SLC25A12: variants seen among roughly 807,000 people sequenced by gnomAD.
SLC25A12 encodes electrogenic aspartate/glutamate antiporter SLC25A12, mitochondrial.
In SLC25A12, 32 loss-of-function variants were observed where a neutral mutation model predicts 83.3. The observed-to-expected ratio is 0.38, with a 90% CI of 0.29 to 0.52. The LOEUF (loss-of-function observed/expected upper bound fraction) is 0.52. Among genes scored for constraint, SLC25A12 ranks in the 20% least tolerant of loss-of-function variants. The probability of loss-of-function intolerance (pLI) is 0.84; values close to 1 mark genes in which losing one functional copy is unlikely to be tolerated. For synonymous variants in SLC25A12, 267 were observed against 291.1 expected (o/e 0.92, Z 0.84); for missense variants, 611 against 835.6 (o/e 0.73, Z 3.31).
chr2:171,841,153 T>C (rs542552906), intron 5 of SLC25A12, among the ~76,000 whole-genome samples: 32 of 152,162 alleles, frequency 2.1e-4, no homozygotes, highest in Non-Finnish European at 4.0e-4. Context: ...GTCCTTGGCT[T>C]ACTGCAACTT....
Position 171,787,895 on chromosome 2 carries a change from C to G in SLC25A12, c.1638G>C (p.Leu546=), listed in dbSNP as rs753205346. The G allele has an allele frequency of 4.7e-5, 76 of 1,614,132 alleles. 1 individual carries two copies. The Middle Eastern group carries it at 8.2e-4, about 17-fold the overall frequency. ...TCTGGCCAGCGCGGGCAGCCACCTGCAGTCTTGTCTTGATGACATCAGCAG... is the reference window on the plus strand; with the variant it reads ...TCTGGCCAGCGCGGGCAGCCACCTGGAGTCTTGTCTTGATGACATCAGCAG... The part of the protein sequence containing the change: ...VTPADVIKTR[L]QVAARAGQTT... The change falls in exon 16 of 18, where the codon CTG becomes CTC. Residue 546 remains leucine, a synonymous_variant. Coordinates refer to ENST00000422440, the MANE Select transcript of SLC25A12 (RefSeq NM_003705.5).
At chr2:171,891,649 C>T (rs938729705) in intron 2 of SLC25A12, among the ~76,000 whole-genome samples, 4 of 152,170 alleles carry the variant, frequency 2.6e-5, no homozygotes, top group Non-Finnish European at 5.9e-5. Context: ...TCATTTCTTC[C>T]GCATCTACTT....
chr2:171,893,237 C>A lies in SLC25A12; in HGVS notation c.34G>T (p.Asp12Tyr). 1.2e-6 allele frequency: 2 copies of A among 1,614,068 alleles called. No homozygotes were observed. The highest frequency in any genetic ancestry group is 1.7e-6 in the Non-Finnish European group (2 of 1,180,004). Residue 12 changes from aspartate (D) to tyrosine (Y), a missense_variant, in exon 2 of 18, where the codon GAT becomes TAT. Physicochemically the swap from Asp to Tyr is radical, Grantham distance 160. Transcript: ENST00000422440. The part of the protein sequence containing the change: ...AVKVQTTKRG[D>Y]PHELRNIFLQ... ...AATATGTTTCTTAACTCATGAGGAT[C>A]CCCTCGCTTAGTTGTCTGCACCTGT...
intron 2 of SLC25A12, among the ~76,000 whole-genome samples, chr2:171,873,853 G>A (rs544971650): frequency 5.3e-5 from 8 of 151,830 alleles, no homozygotes; most frequent in African/African-American, 1.7e-4. Context: ...TGCTTTTGTC[G>A]AATTCAGTCC....
rs139526366 is a variant in SLC25A12, at chr2:171,858,724, G to C, written c.210-2775C>G. On this transcript the variant is annotated intron_variant, in intron 3 of 17. Coordinates refer to ENST00000422440, the MANE Select transcript of SLC25A12 (RefSeq NM_003705.5). ...TAAACTGCAAGTGTGAACAACACTA[G>C]GTTTCCGGTCCCAAGTAGCACCAGC... Among the ~76,000 whole-genome samples, 644 of 152,274 alleles carry C rather than the reference G, an allele frequency of 4.2e-3. 2 individuals carry two copies. The highest frequency in any genetic ancestry group is 0.011 in the South Asian group (52 of 4,824).
chr2:171,874,094 C>T (rs1426376360), intron 2 of SLC25A12, among the ~76,000 whole-genome samples: 3 of 152,086 alleles, frequency 2.0e-5, no homozygotes, highest in African/African-American at 4.8e-5. Context: ...GGTGTGGTGG[C>T]GCATGCCTAT....
intron 13 of SLC25A12, among the ~76,000 whole-genome samples, chr2:171,797,390 T>C (rs570597712): frequency 5.5e-4 from 84 of 152,266 alleles, no homozygotes; most frequent in African/African-American, 1.9e-3. Flanking sequence ...ATCATAAATA[T>C]GTCAAAATTT....
chr2:171,845,778 T>C (rs189000372), intron 4 of SLC25A12: 17 of 455,164 alleles, frequency 3.7e-5, no homozygotes, highest in African/African-American at 3.0e-4. Context: ...ATCAGCAAAG[T>C]TGGAAGAAGG....
intron 10 of SLC25A12, among the ~76,000 whole-genome samples, chr2:171,814,353 A>G (rs535726472): frequency 3.4e-4 from 51 of 152,222 alleles, no homozygotes; most frequent in African/African-American, 1.1e-3. Context: ...TTGCAAATAA[A>G]CATCAAGTCC....
At chr2:171,836,957 CAT>C (rs990039563) in intron 6 of SLC25A12, among the ~76,000 whole-genome samples, 162 bp downstream of exon 6, 3 of 142,268 alleles carry the variant, frequency 2.1e-5, no homozygotes, top group Non-Finnish European at 4.7e-5. Context: ...CACACACACA[CAT>C]GCACACACAC....
intron 16 of SLC25A12, 56 bp downstream of exon 16, chr2:171,787,733 C>G: frequency 6.2e-7 from 1 of 1,610,806 alleles, no homozygotes; most frequent in South Asian, 1.1e-5. Flanking sequence ...CACTGAGTCA[C>G]AGGGGAGGAC....
At chr2:171,785,541 C>T in intron 17 of SLC25A12, 66 bp from the exon 18 acceptor site, 2 of 1,447,294 alleles carry the variant, frequency 1.4e-6, no homozygotes, top group Non-Finnish European at 1.9e-6. Context: ...TACAGCTGGA[C>T]ATTTTCGGTC....
intron 2 of SLC25A12, among the ~76,000 whole-genome samples, chr2:171,876,354 T>G (rs1685570573): frequency 1.3e-5 from 2 of 152,206 alleles, no homozygotes; most frequent in South Asian, 4.1e-4. Flanking sequence ...AGACAATTAC[T>G]TGGCAATGTC....
At chr2:171,815,225 A>G (rs772095896) in intron 9 of SLC25A12, 23 bp from the exon 10 acceptor site, 3 of 1,582,266 alleles carry the variant, frequency 1.9e-6, no homozygotes, top group Non-Finnish European at 2.6e-6. Flanking sequence ...AAACGGGTAA[A>G]AAAAAATCTT....
chr2:171,885,594 C>G (rs2105931325), intron 2 of SLC25A12, among the ~76,000 whole-genome samples: 1 of 152,158 alleles, frequency 6.6e-6, no homozygotes, highest in South Asian at 2.1e-4. Flanking sequence ...ATTGCTTGAA[C>G]CCGGGAGGCG....
At chr2:171,835,860 A>G (rs1380913941) in intron 6 of SLC25A12, among the ~76,000 whole-genome samples, 1 of 151,468 alleles carries the variant, frequency 6.6e-6, no homozygotes, top group Non-Finnish European at 1.5e-5. Context: ...TTTGGATACC[A>G]GCAACCCAAA....
chr2:171,870,338 A>G (rs1685432359), intron 2 of SLC25A12, among the ~76,000 whole-genome samples: 1 of 152,224 alleles, frequency 6.6e-6, no homozygotes, highest in Non-Finnish European at 1.5e-5. Context: ...AAAATTATAA[A>G]TAGGACAGGT....
chr2:171,885,041 G>A (rs574642280), intron 2 of SLC25A12, among the ~76,000 whole-genome samples: 13 of 151,938 alleles, frequency 8.6e-5, no homozygotes, highest in South Asian at 2.1e-4. Flanking sequence ...GTGAAACCCT[G>A]TCTCTACTAA....
chr2:171,871,695 C>T, intron 2 of SLC25A12: 10 of 983,810 alleles, frequency 1.0e-5, no homozygotes, highest in Non-Finnish European at 1.2e-5. Context: ...CACTCACCTT[C>T]CATGTTGCCA....
Sources: allele counts gnomAD v4.1 joint callset (sites outside exome capture counted in the v4.1 genomes callset), GRCh38; gene constraint gnomAD v4.1.1; transcripts MANE v1.5; gene names NCBI Gene and HGNC (gene_info 2026-07-23, HGNC 2026-07-21).